CCDC169: variants seen among roughly 807,000 people sequenced by gnomAD.
CCDC169 encodes the protein coiled-coil domain containing 169.
A neutral mutation model predicts 36.0 loss-of-function variants in CCDC169; 30 were observed. The observed-to-expected ratio is 0.83, with a 90% confidence interval of 0.62 to 1.13. The LOEUF is 1.13. Among genes scored for constraint, CCDC169 ranks in the 50% most tolerant of loss-of-function variants. The probability of loss-of-function intolerance (pLI) is 0.00; values close to 1 mark genes in which losing one functional copy is unlikely to be tolerated. For synonymous variants in CCDC169, 85 were observed against 81.5 expected, an observed-to-expected ratio of 1.04 and a Z score of -0.23; for missense variants, 245 against 245.9, an observed-to-expected ratio of 1.00 and a Z score of 0.03.
chr13:36,294,508 C>T (rs1879249696), intron 2 of CCDC169, among the ~76,000 whole-genome samples: 1 of 152,102 alleles, frequency 6.6e-6, no homozygotes, highest in African/African-American at 2.4e-5. Context: ...TAGAAAGTGG[C>T]ATTTTATTTC....
At chr13:36,252,643 C>T (rs1328636) in intron 6 of CCDC169, among the ~76,000 whole-genome samples, 61,642 of 152,030 alleles carry the variant, frequency 0.41, 13,283 homozygotes, top group Non-Finnish European at 0.48. Context: ...CAGACTATTT[C>T]TTCTTTTCCC....
intron 4 of CCDC169, among the ~76,000 whole-genome samples, chr13:36,273,452 T>TA (rs985562719): frequency 3.9e-5 from 6 of 151,912 alleles, no homozygotes; most frequent in African/African-American, 1.2e-4. Flanking sequence ...GTAATAGTTA[T>TA]AAAAAAAATA....
intron 7 of CCDC169, among the ~76,000 whole-genome samples, chr13:36,238,806 T>G (rs533130875): frequency 6.2e-4 from 94 of 152,164 alleles, no homozygotes; most frequent in Non-Finnish European, 1.2e-3. Context: ...TCACTGTCTT[T>G]TAGAGCAGTG....
intron 4 of CCDC169, among the ~76,000 whole-genome samples, chr13:36,268,537 G>A (rs922613265): frequency 5.9e-5 from 9 of 151,940 alleles, no homozygotes; most frequent in African/African-American, 1.9e-4. Flanking sequence ...AGTACAAATT[G>A]ACAACCTAAC....
At chr13:36,257,776 C>T (rs1222865323) in intron 4 of CCDC169, among the ~76,000 whole-genome samples, 1 of 152,048 alleles carries the variant, frequency 6.6e-6, no homozygotes, top group African/African-American at 2.4e-5. Flanking sequence ...ATGTTTTCTT[C>T]ATCTCCATAT....
intron 7 of CCDC169, chr13:36,240,667 C>A: frequency 7.9e-7 from 1 of 1,266,314 alleles, no homozygotes; most frequent in Non-Finnish European, 1.0e-6. Flanking sequence ...CACTTTAAAA[C>A]TGTTCATAAG....
intron 4 of CCDC169, among the ~76,000 whole-genome samples, chr13:36,261,605 G>T (rs1032646239): frequency 2.6e-5 from 4 of 152,138 alleles, no homozygotes; most frequent in African/African-American, 9.7e-5. Flanking sequence ...GGGACTGGCT[G>T]GACACTCAAC....
intron 4 of CCDC169, chr13:36,280,255 G>A (rs1283612958): frequency 1.3e-5 from 2 of 152,100 alleles, no homozygotes; most frequent in Admixed American, 1.3e-4. Flanking sequence ...ACAGGGAGGA[G>A]AATAAAAGGG....
intron 4 of CCDC169, among the ~76,000 whole-genome samples, chr13:36,262,814 G>T (rs1254730374): frequency 6.6e-6 from 1 of 152,100 alleles, no homozygotes; most frequent in African/African-American, 2.4e-5. Context: ...TCAGTGATGG[G>T]GGTATCTCTT....
At chr13:36,245,420 C>T (rs1267448385) in intron 7 of CCDC169, among the ~76,000 whole-genome samples, 2 of 152,042 alleles carry the variant, frequency 1.3e-5, no homozygotes, top group African/African-American at 4.8e-5. Context: ...CTGTCTCAGC[C>T]TCCCAAGCAG....
rs576838628 is a variant in CCDC169, at chr13:36,259,158, G to A, written c.316-5015C>T. Among the ~76,000 whole-genome samples the A allele has an allele frequency of 3.9e-4, 59 of 152,264 alleles. No individual in the cohort carries two copies. In the South Asian group the frequency reaches 8.5e-3, roughly 22 times the overall value. On this transcript the variant is annotated intron_variant, in intron 4 of 7. Transcript: ENST00000239859. ...CAGCAGGACTAAAGTGATGAGAGCC[G>A]CCATGATAGTGAGGGCCGAGAGCAG... is the stretch of plus-strand genomic sequence containing the variant.
intron 2 of CCDC169, among the ~76,000 whole-genome samples, chr13:36,295,503 A>G (rs1313154346): frequency 6.6e-6 from 1 of 152,242 alleles, no homozygotes; most frequent in Non-Finnish European, 1.5e-5. Context: ...TATTTAATAA[A>G]GAAATAATAT....
chr13:36,286,614 C>G (rs749887572), intron 2 of CCDC169, among the ~76,000 whole-genome samples: 11 of 152,116 alleles, frequency 7.2e-5, no homozygotes, highest in Non-Finnish European at 1.3e-4. Context: ...CTTTGTCTCT[C>G]TTTCTCTCTC....
chr13:36,246,282 C>G (rs1872498525), intron 7 of CCDC169, among the ~76,000 whole-genome samples: 1 of 152,154 alleles, frequency 6.6e-6, no homozygotes, highest in South Asian at 2.1e-4. Context: ...CCTCTTGTGC[C>G]AAACAGTTAA....
chr13:36,280,894 CTT>C, intron 4 of CCDC169: 2 of 153,480 alleles, frequency 1.3e-5, no homozygotes, highest in Middle Eastern at 3.3e-3. Flanking sequence ...ACAATCCACT[CTT>C]CTCTTCTTCC....
intron 4 of CCDC169, among the ~76,000 whole-genome samples, chr13:36,277,179 T>C (rs1003078512): frequency 6.6e-6 from 1 of 152,054 alleles, no homozygotes; most frequent in Non-Finnish European, 1.5e-5. Context: ...TGGATGGAGC[T>C]GAAAGCCATT....
intron 6 of CCDC169, 148 bp from the exon 7 acceptor site, chr13:36,248,830 C>G (rs1422241351): frequency 7.4e-6 from 5 of 675,294 alleles, no homozygotes; most frequent in Non-Finnish European, 1.2e-5. Flanking sequence ...GAAATTCTGG[C>G]CTTCTCCATT....
chr13:36,235,142 ACCT>A lies in CCDC169; in HGVS notation c.546-3853_546-3851del, dbSNP rs535267482. Among the ~76,000 whole-genome samples the A allele has an allele frequency of 5.8e-3, 876 of 152,134 alleles. 5 individuals are homozygous for A. Among genetic ancestry groups the A allele is most frequent in the Non-Finnish European group, 9.9e-3 (674 of 67,866 alleles). ...CACTATTGAAATTAAGTTGTTTTGA[ACCT>A]AAAGTAGATTGTTATAAATTAATAT... On this transcript the variant is annotated intron_variant, in intron 7 of 7. Transcript: ENST00000239859.
intron 6 of CCDC169, 50 bp from the exon 7 acceptor site, chr13:36,248,732 C>G (rs2138451326): frequency 6.7e-7 from 1 of 1,489,634 alleles, no homozygotes; most frequent in East Asian, 2.5e-5. Context: ...TAATTGATTT[C>G]AGAAATAAGA....
Sources: allele counts gnomAD v4.1 joint callset (sites outside exome capture counted in the v4.1 genomes callset), GRCh38; gene constraint gnomAD v4.1.1; transcripts MANE v1.5; gene names NCBI Gene and HGNC (gene_info 2026-07-23, HGNC 2026-07-21).